Variants in HS1BP3 observed in about 807,000 individuals in gnomAD.
The protein encoded by HS1BP3 is HCLS1 binding protein 3.
A neutral mutation model predicts 33.5 loss-of-function variants in HS1BP3; 32 were observed. That is an observed-to-expected ratio of 0.95 (90% CI 0.72 to 1.28). HS1BP3 has a LOEUF of 1.28. HS1BP3 is among the 50% of genes most tolerant of loss of function. HS1BP3 has a pLI of 0.00. For missense variants in HS1BP3, 486 were observed against 502.3 expected (o/e 0.97, Z 0.31); for synonymous variants, 187 against 209.2 (o/e 0.89, Z 0.92).
chr2:20,555,307 G>T, the HS1BP3 span, among the ~76,000 whole-genome samples: 9 of 152,232 alleles, frequency 5.9e-5, no homozygotes, highest in Admixed American at 5.9e-4. Flanking sequence ...CCAACTATAG[G>T]ACTGTAGGCA....
intron 5 of HS1BP3, among the ~76,000 whole-genome samples, chr2:20,574,133 T>C (rs1024046071): frequency 2.0e-5 from 3 of 152,200 alleles, no homozygotes; most frequent in African/African-American, 7.2e-5. Flanking sequence ...GATGCTGCGG[T>C]TCTCCTGACT....
At chr2:20,584,300 A>G (rs1480817450) in intron 5 of HS1BP3, among the ~76,000 whole-genome samples, 1 of 152,172 alleles carries the variant, frequency 6.6e-6, no homozygotes, top group Non-Finnish European at 1.5e-5. Flanking sequence ...ATCACCCTAT[A>G]TCTAGAGGCA....
intron 4 of HS1BP3, among the ~76,000 whole-genome samples, chr2:20,634,301 G>A (rs1181972944): frequency 1.3e-5 from 2 of 152,212 alleles, no homozygotes. Context: ...AGGAGCTTGC[G>A]GAAGAACCAA....
In HS1BP3 at chr2:20,636,482, C is replaced by T. The variant is rs563810683; in HGVS notation, c.623+1954G>A. The T allele has an allele frequency of 2.6e-5, 4 of 152,416 alleles. No homozygotes were observed. In the East Asian group the frequency reaches 7.7e-4, roughly 29 times the overall value. The allele number at this position is 152,416 out of a possible 1,614,324, so 9.4% of individuals were successfully genotyped here. The stretch of plus-strand genomic sequence containing the variant: ...GCAGGAACGTGGACGAACCACCTGA[C>T]CCTGAACTTGAGTTTCCCACCACAC... On this transcript the variant is annotated intron_variant, in intron 4 of 6. Coordinates refer to ENST00000304031, the MANE Select transcript of HS1BP3 (RefSeq NM_022460.4).
At chr2:20,631,609 TCA>T (rs1160805776) in intron 4 of HS1BP3, among the ~76,000 whole-genome samples, 1 of 138,220 alleles carries the variant, frequency 7.2e-6, no homozygotes, top group Non-Finnish European at 1.5e-5. Context: ...GTCCCCAGAG[TCA>T]CATTCCAAGG....
At chr2:20,603,832 A>C (rs1345121083) in intron 2 of HS1BP3, among the ~76,000 whole-genome samples, 1 of 152,252 alleles carries the variant, frequency 6.6e-6, no homozygotes, top group Admixed American at 6.5e-5. Context: ...CAGGTCCTAC[A>C]TGGCCCTCCA....
At chr2:20,567,321 A>G (rs1382049060) in intron 5 of HS1BP3, among the ~76,000 whole-genome samples, 1 of 152,194 alleles carries the variant, frequency 6.6e-6, no homozygotes, top group Non-Finnish European at 1.5e-5. Flanking sequence ...AGGGGGCAGA[A>G]GCTGGGGGCA....
At chr2:20,619,309 C>T in intron 6 of HS1BP3, 64 bp from the exon 7 acceptor site, 2 of 1,361,394 alleles carry the variant, frequency 1.5e-6, no homozygotes, top group Non-Finnish European at 1.0e-6. Context: ...AACAAGACCC[C>T]AGGCAATGCC....
chr2:20,616,990 C>T (rs749279997), downstream of HS1BP3, among the ~76,000 whole-genome samples: 3 of 152,084 alleles, frequency 2.0e-5, no homozygotes, highest in African/African-American at 4.8e-5. Context: ...GAGGAGGTGG[C>T]GTCCACAGTG....
At chr2:20,562,742 T>C (rs1393694728) in intron 5 of HS1BP3, among the ~76,000 whole-genome samples, 1 of 152,144 alleles carries the variant, frequency 6.6e-6, no homozygotes, top group Non-Finnish European at 1.5e-5. Flanking sequence ...AGTGTCAGAA[T>C]TGAATTCAAA....
At chr2:20,613,868 C>G (rs912546570), downstream of HS1BP3, among the ~76,000 whole-genome samples, 1 of 152,246 alleles carries the variant, frequency 6.6e-6, no homozygotes, top group Non-Finnish European at 1.5e-5. Context: ...GTGCTCAGGA[C>G]AGGTGGTAAC....
chr2:20,567,680 A>G (rs545376386), intron 5 of HS1BP3, among the ~76,000 whole-genome samples: 2 of 152,250 alleles, frequency 1.3e-5, no homozygotes, highest in East Asian at 3.9e-4. Flanking sequence ...CTGCAGACAG[A>G]GGAGAGGCTG....
chr2:20,598,213 T>A (rs1453941039), exon 3 of HS1BP3: 1 of 400,330 alleles, frequency 2.5e-6, no homozygotes, highest in Non-Finnish European at 5.1e-6. Flanking sequence ...CTCACCATAA[T>A]GTAGAATCAG....
chr2:20,591,960 G>A (rs1693826282), downstream of HS1BP3, among the ~76,000 whole-genome samples: 1 of 152,168 alleles, frequency 6.6e-6, no homozygotes, highest in Non-Finnish European at 1.5e-5. Context: ...GGTCCTAGGG[G>A]GACGGTTCAA....
the HS1BP3 span, among the ~76,000 whole-genome samples, chr2:20,554,494 C>T: frequency 2.3e-4 from 35 of 152,096 alleles, no homozygotes; most frequent in East Asian, 7.7e-4. Context: ...AGGCCGAGGC[C>T]GGCGGATCAC....
downstream of HS1BP3, among the ~76,000 whole-genome samples, chr2:20,617,306 G>A (rs375340463): frequency 6.6e-6 from 1 of 152,190 alleles, no homozygotes; most frequent in Non-Finnish European, 1.5e-5. Flanking sequence ...AAGGAGGGGC[G>A]GGTGTGAAGG....
At chr2:20,648,456 G>A (rs537662187) in intron 1 of HS1BP3, among the ~76,000 whole-genome samples, 1 of 152,324 alleles carries the variant, frequency 6.6e-6, no homozygotes, top group South Asian at 2.1e-4. Flanking sequence ...GTCAGCAGCA[G>A]TGGGCACAGT....
Position 20,645,512 on chromosome 2 carries a change from G to C in HS1BP3, c.33-7C>G. The C allele has an allele frequency of 6.2e-7, 1 of 1,609,946 alleles. No homozygotes were observed. The highest frequency in any genetic ancestry group is 1.1e-5 in the South Asian group (1 of 90,630). Reference sequence around the variant, plus strand: ...GTGGGCATTCTGAAGTCGCCTGCCAGGGGAAAAGAAGGCAGGTGGGGTTCA... The same window carrying C: ...GTGGGCATTCTGAAGTCGCCTGCCACGGGAAAAGAAGGCAGGTGGGGTTCA... On this transcript the variant is annotated splice_polypyrimidine_tract_variant and splice_region_variant and intron_variant, in intron 1 of 6. Transcript: ENST00000304031.
chr2:20,564,214 T>C (rs1360878518), intron 5 of HS1BP3, among the ~76,000 whole-genome samples: 1 of 152,152 alleles, frequency 6.6e-6, no homozygotes, highest in Non-Finnish European at 1.5e-5. Context: ...CTCTAACAGG[T>C]GCTTTTCAGT....
Sources: allele counts gnomAD v4.1 joint callset (sites outside exome capture counted in the v4.1 genomes callset), GRCh38; gene constraint gnomAD v4.1.1; transcripts MANE v1.5; gene names NCBI Gene and HGNC (gene_info 2026-07-23, HGNC 2026-07-21).